MROH2B: variants seen among roughly 807,000 people sequenced by gnomAD.
MROH2B encodes maestro heat like repeat family member 2B.
Under a neutral mutation model 208.6 loss-of-function variants are expected in MROH2B, and 177 were observed. The ratio of observed to expected loss-of-function variants is 0.85; its 90% CI spans 0.75 to 0.96. MROH2B has a LOEUF of 0.96. Ranked by LOEUF, MROH2B falls within the 40% of genes least tolerant of loss-of-function variation. MROH2B has a pLI of 0.00. For synonymous variants in MROH2B, 728 were observed against 659.0 expected (o/e 1.10, Z -1.60); for missense variants, 2,002 against 1,878.7 (o/e 1.07, Z -1.21).
chr5:41,067,042 C>G, intron 3 of MROH2B, 66 bp downstream of exon 3: 1 of 847,188 alleles, frequency 1.2e-6, no homozygotes, highest in Non-Finnish European at 2.0e-6. Flanking sequence ...GAAGAGCTTA[C>G]TGATGTCCAC....
chr5:41,065,860 A>G (rs1214457322), intron 3 of MROH2B, among the ~76,000 whole-genome samples: 4 of 152,168 alleles, frequency 2.6e-5, no homozygotes, highest in Non-Finnish European at 5.9e-5. Flanking sequence ...CCTGTTCTCT[A>G]CTATACAGCC....
At position 41,045,782 on chromosome 5, in the gene MROH2B, CT is replaced by C; in HGVS notation, c.1799del (p.Gln600ArgfsTer24). On this transcript the variant is annotated frameshift_variant, in exon 18 of 42. Transcript: ENST00000399564. LOFTEE classifies it high-confidence loss of function. ...WTIQLTQDFK[Q>X]QMGSYSNNST... is the part of the protein sequence containing the mutation. ...AGTTATTGCTGTAACTGCCCATTTGCTGTTTGAAATCCTGAGTCAGCTGAAT... is the reference window on the plus strand; with the variant it reads ...AGTTATTGCTGTAACTGCCCATTTGCGTTTGAAATCCTGAGTCAGCTGAAT... The C allele has an allele frequency of 6.2e-7, 1 of 1,613,568 alleles. No homozygotes were observed. Among genetic ancestry groups the C allele is most frequent in the South Asian group, 1.1e-5 (1 of 91,076 alleles).
chr5:41,013,525 C>T (rs1741840310), intron 29 of MROH2B, among the ~76,000 whole-genome samples: 1 of 152,198 alleles, frequency 6.6e-6, no homozygotes, highest in South Asian at 2.1e-4. Context: ...TTCCTATTTA[C>T]AATGGTCTTC....
At chr5:41,070,422 A>T (rs1267935490) in intron 1 of MROH2B, among the ~76,000 whole-genome samples, 1 of 152,200 alleles carries the variant, frequency 6.6e-6, no homozygotes, top group Non-Finnish European at 1.5e-5. Context: ...GGAGATGAAG[A>T]TTTCTTATTA....
chr5:41,017,855 A>G lies in MROH2B; in HGVS notation c.2879T>C (p.Ile960Thr), dbSNP rs984663453. The G allele has an allele frequency of 6.9e-6, 11 of 1,593,544 alleles. No homozygotes were observed. Among genetic ancestry groups the G allele is most frequent in the African/African-American group, 6.7e-5 (5 of 74,788 alleles). ...GTTCCCCATCTTTCCCTCACCTTTT[A>G]TATAGAACAGACCAATAGTTGAGCT... Reference protein sequence around the residue: ...AASSTIGLFYIKGIHLEVERL... With the variant: ...AASSTIGLFYTKGIHLEVERL... Residue 960 changes from isoleucine (I) to threonine (T), a missense_variant, in exon 28 of 42, where the codon ATA becomes ACA. Physicochemically the swap from Ile to Thr is moderately conservative, Grantham distance 89. Transcript: ENST00000399564.
chr5:41,069,853 CTCT>C, intron 1 of MROH2B, 101 bp from the exon 2 acceptor site: 1 of 363,894 alleles, frequency 2.7e-6, no homozygotes. Context: ...CATTTATCCT[CTCT>C]CTCTCTCTCT....
chr5:41,012,885 C>A, intron 29 of MROH2B, 150 bp from the exon 30 acceptor site: 1 of 965,828 alleles, frequency 1.0e-6, no homozygotes, highest in Non-Finnish European at 1.5e-6. Context: ...AGAGAAAATA[C>A]TAGAACAGGG....
intron 33 of MROH2B, among the ~76,000 whole-genome samples, chr5:41,008,070 G>A (rs1741651948): frequency 6.6e-6 from 1 of 152,084 alleles, no homozygotes; most frequent in African/African-American, 2.4e-5. Context: ...ACAGAATGAT[G>A]GGATATGAAA....
At chr5:41,037,654 C>G (rs560421573) in intron 21 of MROH2B, among the ~76,000 whole-genome samples, 1 of 152,286 alleles carries the variant, frequency 6.6e-6, no homozygotes, top group African/African-American at 2.4e-5. Flanking sequence ...TGTGGAGACA[C>G]AGACGAGAAG....
chr5:41,058,858 C>T (rs1181402383), intron 6 of MROH2B, among the ~76,000 whole-genome samples: 1 of 151,470 alleles, frequency 6.6e-6, no homozygotes. Flanking sequence ...ACCAGCCTGA[C>T]CAACATGGTG....
chr5:41,006,406 C>A (rs1436095221), intron 34 of MROH2B, among the ~76,000 whole-genome samples: 2 of 152,144 alleles, frequency 1.3e-5, no homozygotes, highest in African/African-American at 4.8e-5. Context: ...CAAACTAGTA[C>A]AACCACTATG....
At chr5:41,032,619 A>G in intron 24 of MROH2B, 123 bp downstream of exon 24, 1 of 771,582 alleles carries the variant, frequency 1.3e-6, no homozygotes, top group Non-Finnish European at 2.1e-6. Context: ...TGAAGCTCCC[A>G]TTAATGAACT....
chr5:41,061,099 T>C (rs1390350892), intron 6 of MROH2B, among the ~76,000 whole-genome samples: 1 of 152,242 alleles, frequency 6.6e-6, no homozygotes, highest in African/African-American at 2.4e-5. Flanking sequence ...CAGCCAAGAA[T>C]ATTCTTTAGA....
intron 29 of MROH2B, among the ~76,000 whole-genome samples, chr5:41,014,938 A>G (rs1474870519): frequency 3.9e-5 from 6 of 152,228 alleles, no homozygotes; most frequent in African/African-American, 1.4e-4. Context: ...AGTGCCTAGA[A>G]TAGAGCTTTA....
chr5:41,028,183 A>G (rs1471915227), intron 24 of MROH2B, among the ~76,000 whole-genome samples: 1 of 152,212 alleles, frequency 6.6e-6, no homozygotes, highest in Non-Finnish European at 1.5e-5. Flanking sequence ...ATCTTAAAGT[A>G]TATATAAAAA....
At chr5:40,999,812 T>C (rs1741328067) in intron 39 of MROH2B, 33 bp from the exon 40 acceptor site, 2 of 1,592,698 alleles carry the variant, frequency 1.3e-6, no homozygotes, top group Admixed American at 1.7e-5. Flanking sequence ...AGAGGGCAAC[T>C]GGAAAGTGAA....
In MROH2B at chr5:41,038,768, G is replaced by A; in HGVS notation, c.2182C>T (p.Gln728Ter). 1 of 1,613,288 alleles carries A rather than the reference G, an allele frequency of 6.2e-7. No homozygotes were observed. The highest frequency in any genetic ancestry group is 1.1e-5 in the South Asian group (1 of 90,992). ...CACTGGCCATGAAGAGACAGGACTTGGGATATGATATCTTGATTAAGTCTG... is the reference window on the plus strand; with the variant it reads ...CACTGGCCATGAAGAGACAGGACTTAGGATATGATATCTTGATTAAGTCTG... ...LSRLNQDIIS[Q>*]VLSLHGQCSQ... is the part of the protein sequence containing the mutation. Residue 728 changes from glutamine (Q) to a stop codon, truncating the protein, a stop_gained, in exon 21 of 42, where the codon CAA becomes TAA. Coordinates refer to ENST00000399564, the MANE Select transcript of MROH2B (RefSeq NM_173489.5). LOFTEE classifies it high-confidence loss of function.
intron 24 of MROH2B, among the ~76,000 whole-genome samples, chr5:41,028,084 T>C (rs918214713): frequency 1.1e-4 from 17 of 152,164 alleles, no homozygotes; most frequent in Non-Finnish European, 1.8e-4. Context: ...ATATACCTAA[T>C]GTAAATGTCG....
At position 41,019,000 on chromosome 5, in the gene MROH2B, G is replaced by A. The variant is rs1376197073; in HGVS notation, c.2460C>T (p.Leu820=). 6.2e-7 allele frequency: 1 copy of A among 1,613,900 alleles called. No individual in the cohort carries two copies. Among genetic ancestry groups the A allele is most frequent in the Middle Eastern group, 1.7e-4 (1 of 6,060 alleles). The change falls in exon 25 of 42, where the codon CTC becomes CTT. Residue 820 remains leucine, a synonymous_variant. Transcript: ENST00000399564. ...GAATGTTAAGGTGGTCTTGTAGTGA[G>A]AGCTGAGGTTTCAGTTTACTGAAAT... ...IRYLSKLKPQ[L]SLQDHLNILE...
Sources: gnomAD v4.1 joint callset for allele counts (sites outside exome capture counted in the v4.1 genomes callset) on GRCh38, gnomAD v4.1.1 for gene constraint, MANE v1.5 for transcripts, NCBI Gene and HGNC (gene_info 2026-07-23, HGNC 2026-07-21) for gene names.